The following THSD7B variants were observed in gnomAD, a reference collection of about 807,000 sequenced individuals.
THSD7B encodes the protein thrombospondin type-1 domain-containing protein 7B.
A neutral mutation model predicts 213.6 loss-of-function variants in THSD7B; 138 were observed. The observed-to-expected ratio is 0.65, with a 90% CI of 0.56 to 0.74. The LOEUF (loss-of-function observed/expected upper bound fraction) is 0.74, where lower values mean the gene tolerates loss of function less well. Ranked by LOEUF, THSD7B falls within the 30% of genes least tolerant of loss-of-function variation. The pLI is 0.00. For missense variants in THSD7B, 1,931 were observed against 1,991.5 expected (o/e 0.97, Z 0.58); for synonymous variants, 742 against 687.0 (o/e 1.08, Z -1.25).
chr2:137,183,238 G>T (rs373865973), intron 7 of THSD7B, among the ~76,000 whole-genome samples: 1 of 152,074 alleles, frequency 6.6e-6, no homozygotes, highest in East Asian at 1.9e-4. Flanking sequence ...AGTACAGTGC[G>T]TTCCTTTGTA....
intron 15 of THSD7B, among the ~76,000 whole-genome samples, chr2:137,499,199 T>G (rs1037749794): frequency 1.3e-5 from 2 of 152,210 alleles, no homozygotes; most frequent in Admixed American, 1.3e-4. Flanking sequence ...TGACCAATTA[T>G]ATTTAGTGAA....
intron 12 of THSD7B, 110 bp downstream of exon 12, chr2:137,276,136 G>A (rs1321333133): frequency 1.4e-5 from 11 of 762,534 alleles, no homozygotes; most frequent in Non-Finnish European, 2.2e-5. Flanking sequence ...TTATTGGCTT[G>A]AATTATTCAT....
chr2:137,068,598 T>C (rs923944528), intron 3 of THSD7B, among the ~76,000 whole-genome samples: 1 of 152,124 alleles, frequency 6.6e-6, no homozygotes, highest in Non-Finnish European at 1.5e-5. Flanking sequence ...GTGACATTTT[T>C]CGTGTGTGTA....
intron 2 of THSD7B, among the ~76,000 whole-genome samples, chr2:136,918,263 C>T (rs13397474): frequency 6.6e-6 from 1 of 152,018 alleles, no homozygotes; most frequent in Non-Finnish European, 1.5e-5. Context: ...GATGGAGGAA[C>T]CTTTCGTTAT....
chr2:137,380,324 G>T (rs1026858231), intron 12 of THSD7B, among the ~76,000 whole-genome samples: 1 of 151,918 alleles, frequency 6.6e-6, no homozygotes, highest in Non-Finnish European at 1.5e-5. Context: ...TGGGAGAATT[G>T]CTTGAGCCTG....
At chr2:137,661,080 A>T (rs1021476389) in intron 25 of THSD7B, among the ~76,000 whole-genome samples, 1 of 152,166 alleles carries the variant, frequency 6.6e-6, no homozygotes, top group Non-Finnish European at 1.5e-5. Flanking sequence ...CTAGATAAAT[A>T]GCTTTAGGTA....
At chr2:136,946,596 T>A (rs1371752289) in intron 2 of THSD7B, among the ~76,000 whole-genome samples, 4 of 151,872 alleles carry the variant, frequency 2.6e-5, no homozygotes, top group African/African-American at 4.8e-5. Context: ...AGAGGTGGAG[T>A]CTATAGAGGG....
At chr2:137,363,454 T>G (rs1685321673) in intron 12 of THSD7B, among the ~76,000 whole-genome samples, 1 of 151,904 alleles carries the variant, frequency 6.6e-6, no homozygotes, top group Admixed American at 6.6e-5. Flanking sequence ...CAGGAGCTGG[T>G]TTTTTGAAAA....
intron 2 of THSD7B, among the ~76,000 whole-genome samples, chr2:136,974,276 C>A (rs1685446436): frequency 6.6e-6 from 1 of 152,030 alleles, no homozygotes; most frequent in African/African-American, 2.4e-5. Flanking sequence ...TGTTTTGCTG[C>A]AGCTATCAAC....
rs1287906190 is a variant in THSD7B, at chr2:136,882,843, A to T, written c.139+526A>T. On this transcript the variant is annotated intron_variant, in intron 2 of 27. Coordinates refer to ENST00000409968, the MANE Select transcript of THSD7B (RefSeq NM_001316349.2). ...GTATTTTGAGATTCTTAGCTACCTC[A>T]TGCATTATCCTTTATGTATATGAAT... Among the ~76,000 whole-genome samples the T allele has an allele frequency of 2.6e-5, 4 of 152,296 alleles. No individual in the cohort carries two copies. The East Asian group carries it at 5.8e-4, about 22-fold the overall frequency.
At chr2:137,626,833 TG>T (rs1235219707) in intron 20 of THSD7B, among the ~76,000 whole-genome samples, 1 of 152,248 alleles carries the variant, frequency 6.6e-6, no homozygotes, top group Non-Finnish European at 1.5e-5. Context: ...TTGCTTGCTA[TG>T]GTGTAACAAG....
chr2:137,057,481 T>G (rs1397118385), intron 3 of THSD7B, among the ~76,000 whole-genome samples: 2 of 152,156 alleles, frequency 1.3e-5, no homozygotes, highest in Non-Finnish European at 2.9e-5. Flanking sequence ...AAGTCATATA[T>G]TTCCACATTT....
intron 15 of THSD7B, among the ~76,000 whole-genome samples, chr2:137,522,348 T>G (rs1475232425): frequency 6.6e-6 from 1 of 152,204 alleles, no homozygotes; most frequent in African/African-American, 2.4e-5. Context: ...AGTGAGTCAC[T>G]TAATGTCTCA....
At chr2:136,780,556 T>G (rs901332631) in intron 1 of THSD7B, among the ~76,000 whole-genome samples, 44 of 152,310 alleles carry the variant, frequency 2.9e-4, no homozygotes, top group African/African-American at 9.6e-4. Flanking sequence ...CAGATTCAAG[T>G]TTTCCCTAAT....
At chr2:137,517,170 G>C (rs1478076177) in intron 15 of THSD7B, among the ~76,000 whole-genome samples, 2 of 152,218 alleles carry the variant, frequency 1.3e-5, no homozygotes, top group Non-Finnish European at 2.9e-5. Context: ...TGCTGGCAAG[G>C]CCAGCAATAT....
intron 4 of THSD7B, among the ~76,000 whole-genome samples, chr2:137,105,253 G>A (rs145019247): frequency 0.034 from 5,236 of 152,126 alleles, 291 homozygotes; most frequent in African/African-American, 0.12. Context: ...CGGATTCAAC[G>A]TATGCAAATC....
Position 137,451,010 on chromosome 2 carries a change from A to T in THSD7B, c.3125A>T (p.Asp1042Val). Residue 1042 changes from aspartate (D) to valine (V), a missense_variant, in exon 15 of 28, where the codon GAT becomes GTT. By Grantham distance (152) the Asp-to-Val change is radical. Transcript: ENST00000409968. ...YNGGRPCPKL[D>V]LKNQVHEAVP... ...GGAGGACGACCATGTCCCAAACTGG[A>T]TCTCAAGAATCAGGTAAAGTGCATG... 6.3e-7 allele frequency: 1 copy of T among 1,596,686 alleles called. No homozygotes were observed.
At chr2:136,876,808 C>T (rs376499332) in intron 1 of THSD7B, among the ~76,000 whole-genome samples, 1 of 152,168 alleles carries the variant, frequency 6.6e-6, no homozygotes, top group Admixed American at 6.5e-5. Flanking sequence ...GAATGGGGAG[C>T]TCCTGCCTGT....
chr2:137,138,893 G>A (rs995560759), intron 5 of THSD7B, among the ~76,000 whole-genome samples: 2 of 152,026 alleles, frequency 1.3e-5, no homozygotes, highest in Non-Finnish European at 2.9e-5. Flanking sequence ...GCAAGTCTTG[G>A]TGTCATTTGC....
Sources: allele counts gnomAD v4.1 joint callset (sites outside exome capture counted in the v4.1 genomes callset), GRCh38; gene constraint gnomAD v4.1.1; transcripts MANE v1.5; gene names NCBI Gene and HGNC (gene_info 2026-07-23, HGNC 2026-07-21).